TRRAP: variants seen among roughly 807,000 people sequenced by gnomAD.
TRRAP encodes the protein transformation/transcription domain associated protein, also known as transformation/transcription domain-associated protein.
A neutral mutation model predicts 438.8 loss-of-function variants in TRRAP; 41 were observed. The ratio of observed to expected loss-of-function variants is 0.09; its 90% CI spans 0.07 to 0.12. The LOEUF is 0.12. Among genes scored for constraint, TRRAP ranks in the 10% least tolerant of loss-of-function variants. TRRAP has a pLI of 1.00. For missense variants in TRRAP, 3,122 were observed against 5,055.1 expected (o/e 0.62, Z 11.60); for synonymous variants, 1,994 against 1,962.9 (o/e 1.02, Z -0.42).
Position 99,011,674 on chromosome 7 carries a change from C to T in TRRAP, c.11337+139C>T. 3 of 1,033,340 alleles carry T rather than the reference C, an allele frequency of 2.9e-6. No homozygotes were observed. Among genetic ancestry groups the T allele is most frequent in the Non-Finnish European group, 4.1e-6 (3 of 727,244 alleles). 64.0% of individuals were successfully genotyped at this position (1,033,340 alleles called of 1,614,324 possible). On this transcript the variant is annotated intron_variant, in intron 72 of 72. Transcript: ENST00000456197. The surrounding 1 kb of genome is among the most constrained non-coding windows in gnomAD (Gnocchi z 7.1). Reference sequence around the variant, plus strand: ...TGGCCAGCACCCCTGTGTGTTATGTCCTTTGCTGTGAGGGCAAGGGATGGT... The same window carrying T: ...TGGCCAGCACCCCTGTGTGTTATGTTCTTTGCTGTGAGGGCAAGGGATGGT...
chr7:98,990,337 C>G (rs1793374804), intron 63 of TRRAP, 118 bp from the exon 64 acceptor site: 6 of 1,067,148 alleles, frequency 5.6e-6, no homozygotes, highest in African/African-American at 1.6e-5. Context: ...CTTATAGATA[C>G]TTTTTTTACA....
intron 58 of TRRAP, among the ~76,000 whole-genome samples, chr7:98,979,300 C>T (rs1476182512): frequency 1.3e-5 from 2 of 152,192 alleles, no homozygotes; most frequent in South Asian, 2.1e-4. Context: ...TCCACGGACA[C>T]TCAAGTCCCT....
chr7:98,967,823 C>T (rs1688505349), intron 51 of TRRAP, 125 bp downstream of exon 51: 1 of 836,814 alleles, frequency 1.2e-6, no homozygotes, highest in African/African-American at 1.7e-5. Flanking sequence ...AAACCTGCTT[C>T]TGATCTCCAG....
chr7:98,897,720 A>G (rs184292811), intron 7 of TRRAP, 21 bp from the exon 8 acceptor site: 16 of 1,597,746 alleles, frequency 1.0e-5, no homozygotes, highest in African/African-American at 1.4e-5. Flanking sequence ...AGGAAAAAAT[A>G]TTTTTATGAC....
Position 98,956,117 on chromosome 7 carries a change from C to CT in TRRAP, c.5938-29_5938-28insT, listed in dbSNP as rs1425563037. ...CACTGTGGGACCAAGCTCCCATGTT[C>CT]CGGCGTGATGCTGGCCCTGCGTCCG... On this transcript the variant is annotated intron_variant, in intron 41 of 72. Transcript: ENST00000456197. The surrounding 1 kb of genome is among the most constrained non-coding windows in gnomAD (Gnocchi z 4.5). 4 of 1,451,112 alleles carry CT rather than the reference C, an allele frequency of 2.8e-6. No homozygotes were observed. The highest frequency in any genetic ancestry group is 3.6e-6 in the Non-Finnish European group (4 of 1,106,646). 89.9% of individuals were successfully genotyped at this position (1,451,112 alleles called of 1,614,324 possible). A position where few individuals can be genotyped will look rare whatever the true frequency, so the allele number is the denominator to read the frequency against.
intron 67 of TRRAP, among the ~76,000 whole-genome samples, chr7:99,002,180 G>A (rs576632971): frequency 3.9e-5 from 6 of 152,260 alleles, no homozygotes; most frequent in East Asian, 1.9e-4. Flanking sequence ...AGGGCATCCC[G>A]TGCTGATGGT....
chr7:98,939,211 CT>C (rs1183256476), intron 30 of TRRAP, among the ~76,000 whole-genome samples: 4 of 152,146 alleles, frequency 2.6e-5, no homozygotes, highest in Non-Finnish European at 4.4e-5. Context: ...ACTGGAGCTA[CT>C]TTTTTATTTT....
intron 70 of TRRAP, among the ~76,000 whole-genome samples, chr7:99,010,461 G>A (rs1180412307): frequency 1.3e-5 from 2 of 152,214 alleles, no homozygotes; most frequent in Non-Finnish European, 2.9e-5. Context: ...TTCCCACAGA[G>A]CACGTGGGTA....
chr7:98,935,671 A>C lies in TRRAP; in HGVS notation c.4107A>C (p.Ala1369=), dbSNP rs781959267. 5.7e-6 allele frequency: 9 copies of C among 1,586,848 alleles called. No homozygotes were observed. Among genetic ancestry groups the C allele is most frequent in the Non-Finnish European group, 6.0e-6 (7 of 1,158,828 alleles). ...CACTCGTACCTTTACGAATTGCGGCATTAAGTAAGTTAATGAAAATCTACG... is the reference window on the plus strand; with the variant it reads ...CACTCGTACCTTTACGAATTGCGGCCTTAAGTAAGTTAATGAAAATCTACG... ...LPSLVPLRIA[A]LNALAACNYL... is the part of the protein sequence containing the mutation. Residue 1369 remains alanine, a synonymous_variant, in exon 28 of 73, where the codon GCA becomes GCC. Transcript: ENST00000456197.
chr7:98,898,297 C>G (rs782222103), intron 8 of TRRAP, among the ~76,000 whole-genome samples: 32 of 152,204 alleles, frequency 2.1e-4, no homozygotes, highest in Admixed American at 8.5e-4. Flanking sequence ...GTTAATGAAC[C>G]TGCGTTCTGA....
chr7:98,915,676 C>A (rs1435151013), intron 18 of TRRAP, 47 bp from the exon 19 acceptor site: 1 of 1,594,640 alleles, frequency 6.3e-7, no homozygotes, highest in South Asian at 1.1e-5. Context: ...AGGGTATAGA[C>A]CCTCCTCATT....
intron 61 of TRRAP, among the ~76,000 whole-genome samples, 158 bp from the exon 62 acceptor site, chr7:98,984,786 G>A (rs1421030478): frequency 6.6e-6 from 1 of 152,124 alleles, no homozygotes; most frequent in African/African-American, 2.4e-5. Flanking sequence ...AATTCTGAAC[G>A]TCAATCAATA....
intron 50 of TRRAP, 79 bp from the exon 51 acceptor site, chr7:98,967,406 C>A (rs1325897745): frequency 6.7e-7 from 1 of 1,496,696 alleles, no homozygotes; most frequent in East Asian, 2.3e-5. Context: ...AAGTTCACAT[C>A]CACGTTCACC....
At chr7:98,907,568 T>C (rs2116391452) in intron 13 of TRRAP, among the ~76,000 whole-genome samples, 1 of 152,360 alleles carries the variant, frequency 6.6e-6, no homozygotes, top group African/African-American at 2.4e-5. Context: ...TTGCCTAGAA[T>C]TGGACGTTAG....
chr7:98,983,377 C>T lies in TRRAP; in HGVS notation c.8940C>T (p.Thr2980=), dbSNP rs1793016722. 1 of 1,614,144 alleles carries T rather than the reference C, an allele frequency of 6.2e-7. No individual in the cohort carries two copies. The highest frequency in any genetic ancestry group is 8.5e-7 in the Non-Finnish European group (1 of 1,180,014). Residue 2980 remains threonine (T), a synonymous_variant, in exon 60 of 73, where the codon ACC becomes ACT. Coordinates refer to ENST00000456197, the MANE Select transcript of TRRAP (RefSeq NM_001375524.1). ...ACGACATGAAGACGGTGGTGAAGAC[C>T]TGGAGGAACCGACTGCCCATCGTGT... is the stretch of plus-strand genomic sequence containing the variant. ...SLHDMKTVVK[T]WRNRLPIVSD...
intron 25 of TRRAP, 79 bp from the exon 26 acceptor site, chr7:98,931,314 ACAGTCTTTATGG>A: frequency 2.6e-6 from 4 of 1,539,746 alleles, no homozygotes; most frequent in Non-Finnish European, 3.5e-6. Context: ...GACCCCAGTG[ACAGTCTTTATGG>A]CAGACAGGTG....
intron 61 of TRRAP, 64 bp from the exon 62 acceptor site, chr7:98,984,880 T>A: frequency 9.4e-7 from 1 of 1,069,434 alleles, no homozygotes. Flanking sequence ...ATTAGTATTT[T>A]ATGAGGTTTT....
intron 7 of TRRAP, 65 bp from the exon 8 acceptor site, chr7:98,897,676 G>GT (rs10642390): frequency 0.017 from 20,096 of 1,151,906 alleles, 31 homozygotes; most frequent in South Asian, 0.024. Context: ...GTTTTGTTTT[G>GT]TTTTGTTTTT....
chr7:99,004,824 T>C (rs562117180), intron 68 of TRRAP, among the ~76,000 whole-genome samples: 10 of 152,344 alleles, frequency 6.6e-5, no homozygotes, highest in Admixed American at 4.6e-4. Flanking sequence ...TTCGTCTTTA[T>C]TTCTGAACCA....
Sources: allele counts gnomAD v4.1 joint callset (sites outside exome capture counted in the v4.1 genomes callset), GRCh38; gene constraint gnomAD v4.1.1; non-coding constraint Gnocchi (gnomAD v3.1); transcripts MANE v1.5; gene names NCBI Gene and HGNC (gene_info 2026-07-23, HGNC 2026-07-21).